MAPK6: variants seen among roughly 807,000 people sequenced by gnomAD.
MAPK6 encodes mitogen-activated protein kinase 6.
In MAPK6, 19 loss-of-function variants were observed where a neutral mutation model predicts 59.3. The observed-to-expected ratio is 0.32, with a 90% CI of 0.22 to 0.47. The LOEUF (loss-of-function observed/expected upper bound fraction) is 0.47. Among genes scored for constraint, MAPK6 ranks in the 20% least tolerant of loss-of-function variants. The pLI, the probability that MAPK6 is intolerant of heterozygous loss-of-function variation, is 1.00. For missense variants in MAPK6, 724 were observed against 847.9 expected, an observed-to-expected ratio of 0.85 and a Z score of 1.81; for synonymous variants, 316 against 290.3, an observed-to-expected ratio of 1.09 and a Z score of -0.90.
chr15:52,043,093 C>G (rs1595994143), intron 1 of MAPK6, among the ~76,000 whole-genome samples: 1 of 152,122 alleles, frequency 6.6e-6, no homozygotes, highest in African/African-American at 2.4e-5. Flanking sequence ...GATCACGCCA[C>G]TACACTCTGG....
chr15:51,973,339 A>G (rs2057144563), intron 1 of MAPK6, among the ~76,000 whole-genome samples: 1 of 151,942 alleles, frequency 6.6e-6, no homozygotes. Context: ...CCTGAAAAGT[A>G]CTTTGATTAA....
chr15:51,972,771 G>A (rs867461754), intron 1 of MAPK6, among the ~76,000 whole-genome samples: 15 of 150,778 alleles, frequency 9.9e-5, no homozygotes, highest in East Asian at 3.9e-4. Context: ...GCAGTGAGCC[G>A]AGATCGCGCC....
intron 2 of MAPK6, among the ~76,000 whole-genome samples, chr15:51,988,739 A>T (rs1595959152): frequency 2.2e-5 from 3 of 137,600 alleles, no homozygotes; most frequent in Admixed American, 2.1e-4. Context: ...GCAAAAAAAA[A>T]ATACACACAC....
intron 5 of MAPK6, among the ~76,000 whole-genome samples, chr15:52,062,174 C>T (rs1005408575): frequency 2.0e-5 from 3 of 151,204 alleles, no homozygotes; most frequent in African/African-American, 2.4e-5. Flanking sequence ...CTCAGCCTCC[C>T]GAGTAGCTGG....
Position 52,046,381 on chromosome 15 carries a change from T to C in MAPK6, c.-80T>C. The C allele has an allele frequency of 9.5e-7, 1 of 1,054,158 alleles. No individual in the cohort carries two copies. Among genetic ancestry groups the C allele is most frequent in the Non-Finnish European group, 1.4e-6 (1 of 714,978 alleles). 65.3% of individuals were successfully genotyped at this position (1,054,158 alleles called of 1,614,324 possible). On this transcript the variant is annotated 5_prime_UTR_variant, in exon 2 of 6. Coordinates refer to ENST00000261845, the MANE Select transcript of MAPK6 (RefSeq NM_002748.4). ...ATTTTTCTTCTCCCTTTTTGAAAGA[T>C]CTTTCCTTTTGATGCCAGTTTTCTT...
chr15:52,048,231 C>T (rs2031657453), intron 2 of MAPK6, among the ~76,000 whole-genome samples: 1 of 152,026 alleles, frequency 6.6e-6, no homozygotes, highest in South Asian at 2.1e-4. Context: ...CTCATTGCAA[C>T]CTCCGCCTCC....
At chr15:52,040,760 C>G (rs922319932) in intron 1 of MAPK6, among the ~76,000 whole-genome samples, 1 of 152,134 alleles carries the variant, frequency 6.6e-6, no homozygotes, top group Non-Finnish European at 1.5e-5. Flanking sequence ...CTTGAGCAGA[C>G]AGTTGTGGCT....
intron 1 of MAPK6, chr15:52,019,801 G>A (rs1050477862): frequency 6.6e-6 from 1 of 152,244 alleles, no homozygotes; most frequent in African/African-American, 2.4e-5. Flanking sequence ...CGGACCGGAG[G>A]GCGGGCGAGC....
At chr15:52,004,045 C>A (rs991622591) in intron 2 of MAPK6, 1 of 152,186 alleles carries the variant, frequency 6.6e-6, no homozygotes, top group Non-Finnish European at 1.5e-5. Flanking sequence ...CTCCCTTTTC[C>A]TTTTGTTCCT....
Position 52,046,687 on chromosome 15 carries a change from A to G in MAPK6, c.227A>G (p.Asn76Ser). Reference protein sequence around the residue: ...IKIIRRLDHDNIVKVFEILGP... With the variant: ...IKIIRRLDHDSIVKVFEILGP... ...ATTATTAGAAGACTTGACCATGATA[A>G]CATTGTGAAAGTGTTTGAGATTCTT... Residue 76 changes from asparagine (N) to serine (S), a missense_variant, in exon 2 of 6, where the codon AAC becomes AGC. Coordinates refer to ENST00000261845, the MANE Select transcript of MAPK6 (RefSeq NM_002748.4). 2 of 1,614,202 alleles carry G rather than the reference A, an allele frequency of 1.2e-6. No homozygotes were observed. The highest frequency in any genetic ancestry group is 1.7e-6 in the Non-Finnish European group (2 of 1,180,018).
intron 1 of MAPK6, among the ~76,000 whole-genome samples, chr15:52,040,663 G>C (rs141995385): frequency 6.1e-4 from 93 of 152,266 alleles, no homozygotes; most frequent in African/African-American, 1.9e-3. Flanking sequence ...ATACACTTAG[G>C]CTTGACTCCC....
At chr15:52,031,490 C>T (rs889216430) in intron 1 of MAPK6, among the ~76,000 whole-genome samples, 2 of 152,178 alleles carry the variant, frequency 1.3e-5, no homozygotes, top group Non-Finnish European at 2.9e-5. Context: ...ATGTCCAACA[C>T]AATGCTTCAC....
At chr15:52,051,080 C>T (rs1220775102) in intron 3 of MAPK6, among the ~76,000 whole-genome samples, 2 of 151,456 alleles carry the variant, frequency 1.3e-5, no homozygotes, top group African/African-American at 2.4e-5. Context: ...TTTTCTGAGA[C>T]GGAGTCTTGC....
upstream of MAPK6, among the ~76,000 whole-genome samples, chr15:52,015,438 C>T (rs1236105211): frequency 1.3e-5 from 2 of 151,834 alleles, no homozygotes; most frequent in Non-Finnish European, 2.9e-5. Flanking sequence ...TGAGCCACCG[C>T]ATCTGGCCAA....
intron 2 of MAPK6, among the ~76,000 whole-genome samples, chr15:51,999,354 G>T (rs73398739): frequency 0.031 from 4,699 of 152,158 alleles, 238 homozygotes; most frequent in African/African-American, 0.11. Flanking sequence ...CTCATTGTAG[G>T]TTTGATTTAC....
chr15:51,988,981 A>T (rs1381887265), intron 2 of MAPK6, among the ~76,000 whole-genome samples: 1 of 151,940 alleles, frequency 6.6e-6, no homozygotes, highest in East Asian at 1.9e-4. Flanking sequence ...CTCCTTGTCT[A>T]TCAAATTTCC....
Position 52,058,635 on chromosome 15 carries a change from G to A in MAPK6, c.703G>A (p.Ala235Thr). The change falls in exon 4 of 6, where the codon GCA (alanine) becomes ACA (threonine). Residue 235 changes from alanine (A) to threonine (T), a missense_variant and splice_region_variant. Ala to Thr is a moderately conservative substitution (Grantham distance 58). Transcript: ENST00000261845. ...TTTTGTTTGTTTTTTAACCTCAGGT[G>A]CACATGAACTTGAACAGATGCAGCT... ...MLTGKTLFAG[A>T]HELEQMQLIL... 1 of 1,598,614 alleles carries A rather than the reference G, an allele frequency of 6.3e-7. No homozygotes were observed. Among genetic ancestry groups the A allele is most frequent in the South Asian group, 1.1e-5 (1 of 88,648 alleles).
At chr15:52,016,070 G>GCGCGCGCGCGCGCACACACA, upstream of MAPK6, among the ~76,000 whole-genome samples, 10 of 55,444 alleles carry the variant, frequency 1.8e-4, no homozygotes, top group East Asian at 1.1e-3. Flanking sequence ...GCGCGCGCGC[G>GCGCGCGCGCGCGCACACACA]CACACACACA....
intron 1 of MAPK6, among the ~76,000 whole-genome samples, chr15:51,972,078 T>C (rs17612123): frequency 0.56 from 85,599 of 151,744 alleles, 24,347 homozygotes; most frequent in South Asian, 0.67. Flanking sequence ...CGAGTCAGGA[T>C]TGAAGCCCTT....
Sources: allele counts gnomAD v4.1 joint callset (sites outside exome capture counted in the v4.1 genomes callset), GRCh38; gene constraint gnomAD v4.1.1; transcripts MANE v1.5; gene names NCBI Gene and HGNC (gene_info 2026-07-23, HGNC 2026-07-21).